The following RBFOX1 variants were observed in gnomAD, a reference collection of about 807,000 sequenced individuals.
RBFOX1 encodes RNA binding protein fox-1 homolog 1.
RBFOX1 carries 8 observed loss-of-function variants against 57.7 expected under a neutral mutation model. The ratio of observed to expected loss-of-function variants is 0.14; its 90% CI spans 0.08 to 0.25. The LOEUF (loss-of-function observed/expected upper bound fraction) is 0.25. Ranked by LOEUF, RBFOX1 falls within the 10% of genes least tolerant of loss-of-function variation. The pLI is 1.00. For missense variants in RBFOX1, 611 were observed against 548.5 expected (o/e 1.11, Z -1.14); for synonymous variants, 326 against 222.4 (o/e 1.47, Z -4.15).
intron 3 of RBFOX1, among the ~76,000 whole-genome samples, chr16:5,777,103 G>T (rs1001733517): frequency 6.6e-6 from 1 of 152,128 alleles, no homozygotes. Context: ...CACACTTTGT[G>T]GTTTAAACAA....
intron 2 of RBFOX1, among the ~76,000 whole-genome samples, chr16:6,532,580 G>C (rs1225064296): frequency 2.6e-5 from 4 of 152,172 alleles, no homozygotes; most frequent in Non-Finnish European, 5.9e-5. Flanking sequence ...CCTTCATGGA[G>C]ATCATTCCTG....
rs369497404 is a variant in RBFOX1 at position 6,648,233 on chromosome 16, A to AT, written c.-63-6362dup. ...GCTAATTTTTTTCTTCTTTATTATTATTTTTTTTGTAGAGACACTGTCTCC... is the reference window on the plus strand; with the variant it reads ...GCTAATTTTTTTCTTCTTTATTATTATTTTTTTTTGTAGAGACACTGTCTCC... On this transcript the variant is annotated intron_variant, in intron 2 of 15. Transcript: ENST00000550418. Among the ~76,000 whole-genome samples the AT allele has an allele frequency of 1.6e-3, 246 of 150,012 alleles. 2 individuals are homozygous for AT. The East Asian group carries it at 0.029, about 18-fold the overall frequency.
chr16:6,829,808 G>C (rs1603629854), intron 3 of RBFOX1, among the ~76,000 whole-genome samples: 1 of 152,260 alleles, frequency 6.6e-6, no homozygotes, highest in African/African-American at 2.4e-5. Flanking sequence ...CGCCACGTTG[G>C]CCAGGCTGGT....
At chr16:7,486,894 C>G (rs896392730) in intron 4 of RBFOX1, among the ~76,000 whole-genome samples, 1 of 152,132 alleles carries the variant, frequency 6.6e-6, no homozygotes, top group African/African-American at 2.4e-5. Flanking sequence ...ATTCTCACTT[C>G]AAGGCATTTG....
intron 3 of RBFOX1, among the ~76,000 whole-genome samples, chr16:6,816,076 G>A (rs376648140): frequency 6.6e-6 from 1 of 152,176 alleles, no homozygotes; most frequent in South Asian, 2.1e-4. Context: ...TGGAGGCTGA[G>A]GCAGGAGGAT....
intron 1 of RBFOX1, among the ~76,000 whole-genome samples, chr16:6,160,892 C>T (rs1271566781): frequency 6.6e-6 from 1 of 152,156 alleles, no homozygotes; most frequent in Non-Finnish European, 1.5e-5. Context: ...TCTGAGATTG[C>T]CCTCATCGCT....
intron 1 of RBFOX1, among the ~76,000 whole-genome samples, chr16:5,338,464 G>A (rs2064953678): frequency 2.0e-5 from 3 of 152,200 alleles, no homozygotes; most frequent in African/African-American, 7.2e-5. Context: ...GATCTGGAGA[G>A]AGAATCAGAA....
chr16:7,043,362 T>C (rs1233394836), intron 3 of RBFOX1, among the ~76,000 whole-genome samples: 3 of 152,218 alleles, frequency 2.0e-5, no homozygotes, highest in African/African-American at 7.2e-5. Flanking sequence ...ATGTGTCATT[T>C]AGATACACAC....
At chr16:7,504,741 A>ATATATATATATATATATT (rs2072391404) in intron 4 of RBFOX1, among the ~76,000 whole-genome samples, 2 of 10,274 alleles carry the variant, frequency 1.9e-4, no homozygotes, top group Admixed American at 1.2e-3. Context: ...ATATATATAT[A>ATATATATATATATATATT]TATATATATA....
At chr16:5,937,284 A>C (rs1190993949) in intron 4 of RBFOX1, among the ~76,000 whole-genome samples, 1 of 152,198 alleles carries the variant, frequency 6.6e-6, no homozygotes, top group East Asian at 1.9e-4. Flanking sequence ...CTTTGTGAAC[A>C]AACTTGGCAA....
intron 1 of RBFOX1, among the ~76,000 whole-genome samples, chr16:5,337,496 C>T (rs1004511659): frequency 6.6e-6 from 1 of 152,198 alleles, no homozygotes; most frequent in Non-Finnish European, 1.5e-5. Flanking sequence ...ATTGTCCCTT[C>T]TCAGACTACA....
intron 4 of RBFOX1, among the ~76,000 whole-genome samples, chr16:7,197,321 T>C (rs78061595): frequency 0.011 from 1,728 of 152,158 alleles, 36 homozygotes; most frequent in African/African-American, 0.039. Context: ...GAGCTTGCTA[T>C]CGATTTTAAC....
intron 10 of RBFOX1, among the ~76,000 whole-genome samples, chr16:7,621,552 C>G (rs2059324234): frequency 6.6e-6 from 1 of 152,154 alleles, no homozygotes; most frequent in Non-Finnish European, 1.5e-5. Flanking sequence ...AGGGTCACCA[C>G]ACCTGGCCTA....
intron 2 of RBFOX1, among the ~76,000 whole-genome samples, chr16:5,525,044 A>G (rs1345693537): frequency 1.3e-5 from 2 of 152,124 alleles, no homozygotes; most frequent in Non-Finnish European, 2.9e-5. Context: ...ACAACTTAAC[A>G]TTCATTAGGG....
chr16:5,429,777 G>C (rs962000790), intron 1 of RBFOX1, among the ~76,000 whole-genome samples: 1 of 152,208 alleles, frequency 6.6e-6, no homozygotes, highest in Non-Finnish European at 1.5e-5. Context: ...TTGGCCTGCT[G>C]TGGCTGATGG....
chr16:5,860,773 A>G (rs2057193044), intron 3 of RBFOX1, among the ~76,000 whole-genome samples: 1 of 152,206 alleles, frequency 6.6e-6, no homozygotes, highest in Non-Finnish European at 1.5e-5. Flanking sequence ...GTCCTTCTCC[A>G]CAACATCATG....
intron 3 of RBFOX1, among the ~76,000 whole-genome samples, chr16:6,939,137 C>G (rs1047500231): frequency 1.3e-5 from 2 of 152,034 alleles, no homozygotes; most frequent in Non-Finnish European, 2.9e-5. Flanking sequence ...CTGCCAAGGT[C>G]ACACCACTAA....
intron 1 of RBFOX1, among the ~76,000 whole-genome samples, chr16:6,052,765 CAG>C (rs1335817179): frequency 6.6e-6 from 1 of 150,480 alleles, no homozygotes; most frequent in Non-Finnish European, 1.5e-5. Flanking sequence ...GCCTGGGAGA[CAG>C]AGCGAGACTC....
At chr16:5,845,053 C>T (rs963519253) in intron 3 of RBFOX1, among the ~76,000 whole-genome samples, 1 of 138,872 alleles carries the variant, frequency 7.2e-6, no homozygotes, top group African/African-American at 2.9e-5. Flanking sequence ...AGCTAATTAC[C>T]CGAGATTCTT....
Sources: allele counts gnomAD v4.1 joint callset (sites outside exome capture counted in the v4.1 genomes callset), GRCh38; gene constraint gnomAD v4.1.1; transcripts MANE v1.5; gene names NCBI Gene and HGNC (gene_info 2026-07-23, HGNC 2026-07-21).